Variants in C12orf42 observed in about 807,000 individuals in gnomAD.
The protein encoded by C12orf42 is uncharacterized protein C12orf42.
Under a neutral mutation model 21.6 loss-of-function variants are expected in C12orf42, and 25 were observed. The ratio of observed to expected loss-of-function variants is 1.16; its 90% confidence interval spans 0.84 to 1.62. The LOEUF is 1.62. Among genes scored for constraint, C12orf42 ranks in the 40% most tolerant of loss-of-function variants. C12orf42 has a pLI of 0.00. For missense variants in C12orf42, 483 were observed against 459.3 expected (o/e 1.05, Z -0.47); for synonymous variants, 174 against 175.0 (o/e 0.99, Z 0.05).
chr12:103,555,167 T>A, the C12orf42 span, among the ~76,000 whole-genome samples: 23,185 of 152,002 alleles, frequency 0.15, 2,023 homozygotes, highest in Non-Finnish European at 0.18. Context: ...ATTAGTCCAT[T>A]TCCATGTTGC....
intron 10 of C12orf42, among the ~76,000 whole-genome samples, chr12:103,248,537 A>C (rs1390830543): frequency 6.6e-6 from 1 of 151,860 alleles, no homozygotes; most frequent in African/African-American, 2.4e-5. Context: ...GTCGTTAAAC[A>C]TATTTGTTAT....
chr12:103,131,459 T>C, the C12orf42 span, among the ~76,000 whole-genome samples: 13 of 152,360 alleles, frequency 8.5e-5, no homozygotes, highest in East Asian at 2.5e-3. Flanking sequence ...GGAATGTGTT[T>C]ATTTTTATTT....
At chr12:103,359,495 A>AATAT (rs61509364) in intron 4 of C12orf42, among the ~76,000 whole-genome samples, 6 of 151,646 alleles carry the variant, frequency 4.0e-5, no homozygotes, top group African/African-American at 1.5e-4. Context: ...AAGGACTATG[A>AATAT]ATATATATAT....
intron 2 of C12orf42, among the ~76,000 whole-genome samples, chr12:103,405,941 G>T (rs1242071908): frequency 6.6e-6 from 1 of 152,094 alleles, no homozygotes; most frequent in East Asian, 1.9e-4. Flanking sequence ...TATTTAGGTT[G>T]TCTACTTAGT....
chr12:103,255,530 G>A (rs1008799715), intron 10 of C12orf42, among the ~76,000 whole-genome samples: 1 of 152,022 alleles, frequency 6.6e-6, no homozygotes, highest in African/African-American at 2.4e-5. Context: ...TTTCCTAGGA[G>A]TATACAAGTT....
chr12:103,050,397 G>A, the C12orf42 span, among the ~76,000 whole-genome samples: 7 of 152,166 alleles, frequency 4.6e-5, no homozygotes, highest in South Asian at 4.2e-4. Context: ...AGATAGGATC[G>A]CTGCAGGAAA....
the C12orf42 span, among the ~76,000 whole-genome samples, chr12:103,545,955 A>C: frequency 6.6e-6 from 1 of 152,212 alleles, no homozygotes; most frequent in African/African-American, 2.4e-5. Flanking sequence ...GAATGCCTCT[A>C]GTTTATGAAT....
the C12orf42 span, among the ~76,000 whole-genome samples, chr12:103,222,111 G>A: frequency 4.4e-3 from 669 of 152,280 alleles, 17 homozygotes; most frequent in Admixed American, 0.033. Context: ...CAGCCACCAT[G>A]TTTTTCATGC....
intron 10 of C12orf42, among the ~76,000 whole-genome samples, chr12:103,255,751 T>A (rs2034528902): frequency 6.6e-6 from 1 of 151,878 alleles, no homozygotes; most frequent in African/African-American, 2.4e-5. Flanking sequence ...CATTATTATA[T>A]CTATTATAAA....
the C12orf42 span, among the ~76,000 whole-genome samples, chr12:103,118,092 G>A: frequency 0.02 from 2,996 of 152,232 alleles, 43 homozygotes; most frequent in African/African-American, 0.025. Context: ...TAGTGTTTTC[G>A]TGGCCCCAGC....
At chr12:103,463,717 A>G (rs1952899318) in intron 2 of C12orf42, among the ~76,000 whole-genome samples, 1 of 152,112 alleles carries the variant, frequency 6.6e-6, no homozygotes, top group Admixed American at 6.6e-5. Flanking sequence ...GCCCACATGC[A>G]TTAACTATTT....
chr12:103,256,171 C>G (rs1197577852), intron 10 of C12orf42, among the ~76,000 whole-genome samples: 2 of 121,034 alleles, frequency 1.7e-5, no homozygotes, highest in African/African-American at 3.0e-5. Context: ...TATATATACA[C>G]ATATATATAC....
At chr12:103,296,547 C>T (rs867180317) in intron 4 of C12orf42, among the ~76,000 whole-genome samples, 23 of 152,092 alleles carry the variant, frequency 1.5e-4, no homozygotes, top group East Asian at 7.7e-4. Flanking sequence ...TTTTAATGAT[C>T]GCCATTCTAA....
chr12:103,473,718 G>T (rs756851877), intron 2 of C12orf42, among the ~76,000 whole-genome samples: 3 of 152,060 alleles, frequency 2.0e-5, no homozygotes, highest in Non-Finnish European at 2.9e-5. Context: ...ACATAGAGTT[G>T]GTACCAGTCT....
At chr12:103,255,038 C>T (rs532955947) in intron 10 of C12orf42, among the ~76,000 whole-genome samples, 4 of 152,134 alleles carry the variant, frequency 2.6e-5, no homozygotes, top group South Asian at 2.1e-4. Flanking sequence ...CTTTTATTAT[C>T]GTATTGTCAA....
intron 3 of C12orf42, among the ~76,000 whole-genome samples, chr12:103,383,785 C>T (rs1173317818): frequency 6.6e-6 from 1 of 152,164 alleles, no homozygotes; most frequent in African/African-American, 2.4e-5. Context: ...TATAAAATAA[C>T]AAAGTATTTT....
At chr12:103,118,582 A>G in the C12orf42 span, among the ~76,000 whole-genome samples, 2 of 152,054 alleles carry the variant, frequency 1.3e-5, no homozygotes, top group African/African-American at 4.8e-5. Flanking sequence ...GCGGATCACG[A>G]GGTCAGGAGA....
the C12orf42 span, among the ~76,000 whole-genome samples, chr12:103,232,219 T>C: frequency 6.6e-6 from 1 of 152,230 alleles, no homozygotes; most frequent in African/African-American, 2.4e-5. Context: ...TTCTCAGATA[T>C]GCATTTAGCA....
chr12:103,562,846 C>T, the C12orf42 span, among the ~76,000 whole-genome samples: 39 of 152,304 alleles, frequency 2.6e-4, no homozygotes, highest in East Asian at 5.6e-3. Context: ...ATCAGTCCCA[C>T]ACCATTATGT....
Sources: gnomAD v4.1 joint callset for allele counts (sites outside exome capture counted in the v4.1 genomes callset) on GRCh38, gnomAD v4.1.1 for gene constraint, MANE v1.5 for transcripts, NCBI Gene and HGNC (gene_info 2026-07-23, HGNC 2026-07-21) for gene names.